Variants in RUFY1 observed in about 807,000 individuals in gnomAD.
RUFY1 encodes RUN and FYVE domain-containing protein 1.
A neutral mutation model predicts 94.6 loss-of-function variants in RUFY1; 54 were observed. The ratio of observed to expected loss-of-function variants is 0.57; its 90% CI spans 0.46 to 0.72. The LOEUF (loss-of-function observed/expected upper bound fraction) is 0.72, where lower values mean the gene tolerates loss of function less well. Among genes scored for constraint, RUFY1 ranks in the 30% least tolerant of loss-of-function variants. The probability of loss-of-function intolerance (pLI) is 0.00; values close to 1 mark genes in which losing one functional copy is unlikely to be tolerated. For missense variants in RUFY1, 883 were observed against 883.9 expected (o/e 1.00, Z 0.01); for synonymous variants, 396 against 347.3 (o/e 1.14, Z -1.56).
chr5:179,607,672 T>C lies in RUFY1; in HGVS notation c.1983+13T>C, dbSNP rs535401011. The C allele has an allele frequency of 2.5e-6, 4 of 1,604,440 alleles. No homozygotes were observed. Among genetic ancestry groups the C allele is most frequent in the Admixed American group, 3.3e-5 (2 of 60,012 alleles). Reference sequence around the variant, plus strand: ...TTCCCGGAGAAAGGTACGTGGGGGCTCCACCCACCCTCCCAGTGCCCTGAG... The same window carrying C: ...TTCCCGGAGAAAGGTACGTGGGGGCCCCACCCACCCTCCCAGTGCCCTGAG... On this transcript the variant is annotated intron_variant, in intron 17 of 17. Transcript: ENST00000319449.
intron 5 of RUFY1, among the ~76,000 whole-genome samples, chr5:179,570,824 T>C (rs1364427918): frequency 4.6e-5 from 7 of 152,094 alleles, no homozygotes; most frequent in South Asian, 2.1e-4. Context: ...TTGAAAAATA[T>C]CTTTTTTTGA....
intron 2 of RUFY1, among the ~76,000 whole-genome samples, chr5:179,560,738 A>G (rs975866441): frequency 6.6e-6 from 1 of 151,080 alleles, no homozygotes; most frequent in Non-Finnish European, 1.5e-5. Flanking sequence ...AAAAAAAAAA[A>G]AAAAAGAAAA....
At chr5:179,560,601 C>CT (rs1178419793) in intron 2 of RUFY1, among the ~76,000 whole-genome samples, 1 of 150,770 alleles carries the variant, frequency 6.6e-6, no homozygotes, top group African/African-American at 2.4e-5. Flanking sequence ...TAGCGGGCGC[C>CT]TGTAGTCCCA....
At chr5:179,594,385 G>C (rs1765379271) in intron 11 of RUFY1, among the ~76,000 whole-genome samples, 1 of 151,278 alleles carries the variant, frequency 6.6e-6, no homozygotes, top group Admixed American at 6.6e-5. Flanking sequence ...GGGCCACATA[G>C]GTAGCTGGTT....
intron 2 of RUFY1, 113 bp downstream of exon 2, chr5:179,560,311 A>G: frequency 7.5e-7 from 1 of 1,333,716 alleles, no homozygotes; most frequent in Non-Finnish European, 1.0e-6. Context: ...CAGTGTACAG[A>G]ACAGGCAAGG....
intron 7 of RUFY1, among the ~76,000 whole-genome samples, chr5:179,584,140 T>C (rs1056470282): frequency 3.9e-5 from 6 of 152,200 alleles, no homozygotes; most frequent in Non-Finnish European, 8.8e-5. Flanking sequence ...AAACTTTCCA[T>C]TCCCTCTGTA....
intron 5 of RUFY1, 113 bp from the exon 6 acceptor site, chr5:179,576,961 CT>C: frequency 1.3e-6 from 1 of 763,580 alleles, no homozygotes; most frequent in East Asian, 2.5e-5. Flanking sequence ...GCTGGCTGAC[CT>C]AAATAAATGT....
At chr5:179,572,653 C>T (rs1021875475) in intron 5 of RUFY1, 7 of 187,996 alleles carry the variant, frequency 3.7e-5, no homozygotes, top group African/African-American at 1.4e-4. Context: ...CAGATGAGCA[C>T]GGGAAAGTTT....
chr5:179,559,705 G>A (rs560947490), intron 1 of RUFY1: 2 of 1,059,954 alleles, frequency 1.9e-6, no homozygotes, highest in Non-Finnish European at 2.3e-6. Context: ...AATGGAACCG[G>A]GGTTGCGGGA....
intron 16 of RUFY1, chr5:179,606,311 C>T: frequency 4.1e-6 from 1 of 241,034 alleles, no homozygotes; most frequent in South Asian, 5.3e-5. Context: ...GTGCCCTGTG[C>T]CATTGCTAGG....
chr5:179,575,191 A>C (rs1451816185), intron 5 of RUFY1, among the ~76,000 whole-genome samples: 1 of 152,052 alleles, frequency 6.6e-6, no homozygotes, highest in Non-Finnish European at 1.5e-5. Context: ...TTACTGTGTA[A>C]CAAGTCAGCA....
chr5:179,592,242 C>T (rs988326910), intron 10 of RUFY1, among the ~76,000 whole-genome samples: 1 of 152,188 alleles, frequency 6.6e-6, no homozygotes, highest in African/African-American at 2.4e-5. Flanking sequence ...GCCTCAGCCT[C>T]CAGAGTAGCT....
Position 179,601,935 on chromosome 5 carries a change from T to C in RUFY1, c.1805T>C (p.Ile602Thr). 1 of 1,612,800 alleles carries C rather than the reference T, an allele frequency of 6.2e-7. No individual in the cohort carries two copies. The highest frequency in any genetic ancestry group is 1.1e-5 in the South Asian group (1 of 91,034). The change falls in exon 15 of 18, where the codon ATC (isoleucine) becomes ACC (threonine). Residue 602 changes from isoleucine (I) to threonine (T), a missense_variant. Physicochemically the swap from Ile to Thr is moderately conservative, Grantham distance 89. Coordinates refer to ENST00000319449, the MANE Select transcript of RUFY1 (RefSeq NM_025158.5). ...LQDEKAELQK[I>T]CEEQEQALQE... is the part of the protein sequence containing the mutation. ...GACGAGAAGGCAGAGCTGCAGAAGA[T>C]CTGCGAGGAGCAGGAACAAGCCCTC... is the stretch of plus-strand genomic sequence containing the variant.
At chr5:179,574,922 T>A (rs1053303544) in intron 5 of RUFY1, among the ~76,000 whole-genome samples, 1 of 152,138 alleles carries the variant, frequency 6.6e-6, no homozygotes, top group African/African-American at 2.4e-5. Flanking sequence ...GGCTGTATTT[T>A]TTTATGATTT....
intron 13 of RUFY1, among the ~76,000 whole-genome samples, chr5:179,597,147 G>T (rs1426640567): frequency 1.3e-5 from 2 of 152,138 alleles, no homozygotes; most frequent in Non-Finnish European, 2.9e-5. Flanking sequence ...CCACCTCCTG[G>T]GCTCAAGCGA....
At chr5:179,580,523 T>G (rs1764071849) in intron 6 of RUFY1, among the ~76,000 whole-genome samples, 1 of 150,548 alleles carries the variant, frequency 6.6e-6, no homozygotes, top group Admixed American at 6.7e-5. Context: ...ATTACAGGCG[T>G]GAGCCACCAC....
At chr5:179,589,515 G>A (rs748321199) in intron 8 of RUFY1, 31 bp from the exon 9 acceptor site, 19 of 1,377,560 alleles carry the variant, frequency 1.4e-5, no homozygotes, top group Non-Finnish European at 1.8e-5. Flanking sequence ...TAATTTTGAT[G>A]TTAAGAACTG....
chr5:179,595,059 G>T, intron 12 of RUFY1, 96 bp downstream of exon 12: 2 of 879,960 alleles, frequency 2.3e-6, no homozygotes. Context: ...GTGCAGGGGA[G>T]AGGCTGGGCG....
chr5:179,565,145 T>C (rs906333581), intron 3 of RUFY1, among the ~76,000 whole-genome samples: 4 of 149,314 alleles, frequency 2.7e-5, no homozygotes, highest in Non-Finnish European at 5.9e-5. Context: ...TATATGCCTT[T>C]TAATACTTTC....
Sources: allele counts gnomAD v4.1 joint callset (sites outside exome capture counted in the v4.1 genomes callset), GRCh38; gene constraint gnomAD v4.1.1; transcripts MANE v1.5; gene names NCBI Gene and HGNC (gene_info 2026-07-23, HGNC 2026-07-21).